CHN2: variants seen among roughly 807,000 people sequenced by gnomAD.
CHN2 encodes beta-chimaerin.
In CHN2, 35 loss-of-function variants were observed where a neutral mutation model predicts 56.3. The ratio of observed to expected loss-of-function variants is 0.62; its 90% CI spans 0.47 to 0.82. CHN2 has a LOEUF of 0.82. Among genes scored for constraint, CHN2 ranks in the 40% least tolerant of loss-of-function variants. The pLI, the probability that CHN2 is intolerant of heterozygous loss-of-function variation, is 0.00. For missense variants in CHN2, 491 were observed against 580.5 expected, an observed-to-expected ratio of 0.85 and a Z score of 1.58; for synonymous variants, 210 against 212.8, an observed-to-expected ratio of 0.99 and a Z score of 0.12.
At chr7:29,442,178 T>G (rs934733095) in intron 6 of CHN2, among the ~76,000 whole-genome samples, 2 of 152,214 alleles carry the variant, frequency 1.3e-5, no homozygotes, top group African/African-American at 2.4e-5. Flanking sequence ...CATTTGATGT[T>G]ATGGGAATTT....
intron 6 of CHN2, among the ~76,000 whole-genome samples, chr7:29,404,920 G>T (rs1464967141): frequency 6.6e-6 from 1 of 151,944 alleles, no homozygotes; most frequent in African/African-American, 2.4e-5. Flanking sequence ...TCCCTTGAAG[G>T]ATGCAAGAGC....
intron 1 of CHN2, among the ~76,000 whole-genome samples, chr7:29,349,658 A>C (rs1287476446): frequency 2.6e-5 from 4 of 152,222 alleles, no homozygotes; most frequent in African/African-American, 9.6e-5. Flanking sequence ...CATGAATAGA[A>C]TTGCTGAGTC....
intron 1 of CHN2, among the ~76,000 whole-genome samples, chr7:29,343,778 CCT>C (rs1450792811): frequency 6.6e-6 from 1 of 151,924 alleles, no homozygotes; most frequent in East Asian, 1.9e-4. Flanking sequence ...TCATGTTCCC[CCT>C]GTGTCATGTC....
chr7:29,148,571 G>T (rs1482270748), intron 2 of CHN2: 1 of 152,176 alleles, frequency 6.6e-6, no homozygotes, highest in Non-Finnish European at 1.5e-5. Context: ...AATTAAAACA[G>T]AGTCAAAAGA....
chr7:29,240,645 A>C (rs1432755147), intron 1 of CHN2, among the ~76,000 whole-genome samples: 1 of 152,146 alleles, frequency 6.6e-6, no homozygotes, highest in African/African-American at 2.4e-5. Context: ...AAATATGAAA[A>C]GAAACAAATC....
At chr7:29,421,655 A>C (rs991661857) in intron 6 of CHN2, among the ~76,000 whole-genome samples, 11 of 152,232 alleles carry the variant, frequency 7.2e-5, no homozygotes, top group African/African-American at 2.7e-4. Flanking sequence ...GCTGAAAATT[A>C]AGAATAGCTG....
At chr7:29,151,434 C>T (rs1287886745) in intron 2 of CHN2, among the ~76,000 whole-genome samples, 1 of 152,054 alleles carries the variant, frequency 6.6e-6, no homozygotes, top group East Asian at 1.9e-4. Context: ...TGGAAAAAGC[C>T]AGGCAAATAA....
chr7:29,370,226 G>A (rs892516900), intron 3 of CHN2, among the ~76,000 whole-genome samples: 2 of 152,110 alleles, frequency 1.3e-5, no homozygotes, highest in Non-Finnish European at 1.5e-5. Context: ...AAGTGAAGGC[G>A]CCACTTTCTC....
intron 1 of CHN2, among the ~76,000 whole-genome samples, chr7:29,265,496 G>A (rs915751061): frequency 2.0e-5 from 3 of 152,238 alleles, no homozygotes; most frequent in Non-Finnish European, 2.9e-5. Flanking sequence ...AATTAACAGA[G>A]CTTTGTAAAT....
At chr7:29,479,110 C>G (rs1011883997) in intron 6 of CHN2, among the ~76,000 whole-genome samples, 2 of 152,140 alleles carry the variant, frequency 1.3e-5, no homozygotes, top group Non-Finnish European at 2.9e-5. Flanking sequence ...ACCAATGAGT[C>G]AGGAGTACTC....
At chr7:29,222,877 A>G (rs1414916032) in intron 1 of CHN2, among the ~76,000 whole-genome samples, 2 of 152,206 alleles carry the variant, frequency 1.3e-5, no homozygotes, top group African/African-American at 2.4e-5. Context: ...TTAAGATAGT[A>G]TGATATTGGC....
intron 1 of CHN2, among the ~76,000 whole-genome samples, chr7:29,225,278 T>A (rs1786103717): frequency 6.6e-6 from 1 of 152,202 alleles, no homozygotes; most frequent in Admixed American, 6.5e-5. Flanking sequence ...ATAACATTGT[T>A]GTGTTGTACC....
intron 2 of CHN2, among the ~76,000 whole-genome samples, chr7:29,151,363 C>G (rs1793571651): frequency 6.6e-6 from 1 of 152,158 alleles, no homozygotes; most frequent in South Asian, 2.1e-4. Flanking sequence ...GTTTAGCGCC[C>G]TTTAGCAGCA....
chr7:29,233,363 A>C (rs780743985), intron 1 of CHN2, among the ~76,000 whole-genome samples: 1 of 152,240 alleles, frequency 6.6e-6, no homozygotes, highest in African/African-American at 2.4e-5. Context: ...TGAGGACCAC[A>C]TCAGAAAGTT....
At chr7:29,240,286 G>A (rs1218241383) in intron 1 of CHN2, among the ~76,000 whole-genome samples, 1 of 152,208 alleles carries the variant, frequency 6.6e-6, no homozygotes, top group Non-Finnish European at 1.5e-5. Context: ...TATTTGAAGA[G>A]CATTTGGTCC....
intron 1 of CHN2, among the ~76,000 whole-genome samples, chr7:29,266,939 C>A (rs1044193126): frequency 2.4e-5 from 3 of 125,240 alleles, no homozygotes; most frequent in African/African-American, 8.1e-5. Context: ...GTGCAATTGG[C>A]CCTTCTCCCT....
intron 1 of CHN2, among the ~76,000 whole-genome samples, chr7:29,289,986 A>G (rs957947736): frequency 6.6e-6 from 1 of 152,228 alleles, no homozygotes; most frequent in Non-Finnish European, 1.5e-5. Flanking sequence ...CACTTAATCT[A>G]CTTTGCATTT....
intron 3 of CHN2, among the ~76,000 whole-genome samples, chr7:29,370,314 C>A (rs1048016609): frequency 1.3e-5 from 2 of 152,178 alleles, no homozygotes; most frequent in African/African-American, 4.8e-5. Context: ...AACACACTTG[C>A]ATGCTTGGGA....
At position 29,398,413 on chromosome 7, in the gene CHN2, C is replaced by G. The variant is rs1350755214; in HGVS notation, c.217C>G (p.Leu73Val). 1.9e-6 allele frequency: 3 copies of G among 1,613,590 alleles called. No homozygotes were observed. The highest frequency in any genetic ancestry group is 2.5e-6 in the Non-Finnish European group (3 of 1,180,028). The stretch of plus-strand genomic sequence containing the variant: ...CTCTCGGGAGCAGGCGGATGAGCTT[C>G]TTGGAGGCGTGGAGGGTGCCTACAT... The part of the protein sequence containing the change: ...IISREQADEL[L>V]GGVEGAYILR... Residue 73 changes from leucine to valine, a missense_variant, in exon 5 of 13, where the codon CTT (leucine) becomes GTT (valine). By Grantham distance (32) the Leu-to-Val change is conservative (BLOSUM62 1). Transcript: ENST00000222792.
Sources: gnomAD v4.1 joint callset for allele counts (sites outside exome capture counted in the v4.1 genomes callset) on GRCh38, gnomAD v4.1.1 for gene constraint, MANE v1.5 for transcripts, NCBI Gene and HGNC (gene_info 2026-07-23, HGNC 2026-07-21) for gene names.